KCNAB2: variants seen among roughly 807,000 people sequenced by gnomAD.
The protein encoded by KCNAB2 is voltage-gated potassium channel subunit beta-2.
KCNAB2 carries 29 observed loss-of-function variants against 63.6 expected under a neutral mutation model. That is an observed-to-expected ratio of 0.46 (90% CI 0.34 to 0.62). The LOEUF (loss-of-function observed/expected upper bound fraction) is 0.62. Among genes scored for constraint, KCNAB2 ranks in the 20% least tolerant of loss-of-function variants. The pLI is 0.01. For synonymous variants in KCNAB2, 222 were observed against 224.2 expected (o/e 0.99, Z 0.09); for missense variants, 359 against 563.9 (o/e 0.64, Z 3.68).
At chr1:6,043,636 G>A (rs1660686997), upstream of KCNAB2, among the ~76,000 whole-genome samples, 1 of 152,154 alleles carries the variant, frequency 6.6e-6, no homozygotes, top group Non-Finnish European at 1.5e-5. Context: ...TTAACAGGCT[G>A]GGGGCCACTC....
chr1:6,097,475 G>A (rs35431575), intron 15 of KCNAB2, 118 bp downstream of exon 15: 11 of 1,516,690 alleles, frequency 7.3e-6, no homozygotes, highest in South Asian at 3.6e-5. Flanking sequence ...GGATGCGCCC[G>A]TGAACCATCA....
In KCNAB2 at chr1:6,100,254, A is replaced by G. The variant is rs1557526056; in HGVS notation, c.*1680A>G. Reference sequence around the variant, plus strand: ...GGGGGATCAGCTTCTGCTATTACCGACCCCCCTTCATGCTGCCCCTGGCGC... The same window carrying G: ...GGGGGATCAGCTTCTGCTATTACCGGCCCCCCTTCATGCTGCCCCTGGCGC... On this transcript the variant is annotated 3_prime_UTR_variant, in exon 16 of 16. Coordinates refer to ENST00000378083, the MANE Select transcript of KCNAB2 (RefSeq NM_001199862.2). 2 of 577,560 alleles carry G rather than the reference A, an allele frequency of 3.5e-6. No individual in the cohort carries two copies. The highest frequency in any genetic ancestry group is 3.3e-5 in the East Asian group (1 of 30,602). The allele number at this position is 577,560 out of a possible 1,614,324, so 35.8% of individuals were successfully genotyped here.
rs1663953106 is a variant in KCNAB2, at chr1:6,078,986, A to G, written c.301-3209A>G. 6.6e-6 allele frequency among the ~76,000 whole-genome samples: 1 copy of G among 152,206 alleles called. No homozygotes were observed. The highest frequency in any genetic ancestry group is 2.4e-5 in the African/African-American group (1 of 41,462). ...GCTGGAGGCTCAGAGCAGGGTGGGC[A>G]CCGTGGAGGTGGGGAGACGGGTCAG... On this transcript the variant is annotated intron_variant, in intron 4 of 15. Transcript: ENST00000378083. The surrounding 1 kb of genome is among the most constrained non-coding windows in gnomAD (Gnocchi z 4.2).
At position 6,074,694 on chromosome 1, in the gene KCNAB2, T is replaced by A. The variant is rs2100669221; in HGVS notation, c.300+924T>A. 6.6e-6 allele frequency among the ~76,000 whole-genome samples: 1 copy of A among 152,296 alleles called. No homozygotes were observed. Among genetic ancestry groups the A allele is most frequent in the South Asian group, 2.1e-4 (1 of 4,824 alleles). On this transcript the variant is annotated intron_variant, in intron 4 of 15. Transcript: ENST00000378083. This position sits in a 1 kb window ranked among gnomAD's most constrained non-coding sequence, Gnocchi z 4.9. ...ACACTAGCTGGCCGGGCGCGGTGACTCACACCTGTAACCCCAGCACTTTGG... is the reference window on the plus strand; with the variant it reads ...ACACTAGCTGGCCGGGCGCGGTGACACACACCTGTAACCCCAGCACTTTGG...
rs556991059 is a variant in KCNAB2 at position 6,083,113 on chromosome 1, C to A, written c.380+839C>A. On this transcript the variant is annotated intron_variant, in intron 5 of 15. Transcript: ENST00000378083. ...CTGGGACCCTCAAACCGCCTCCAGC[C>A]CCCATCTGCAGCCCTTTTGGCCCTC... 1.6e-4 allele frequency among the ~76,000 whole-genome samples: 25 copies of A among 152,304 alleles called. 1 individual carries two copies. In the South Asian group the frequency reaches 5.0e-3, roughly 30 times the overall value.
chr1:6,001,741 T>C (rs1011605236), intron 1 of KCNAB2, among the ~76,000 whole-genome samples: 4 of 152,132 alleles, frequency 2.6e-5, no homozygotes, highest in African/African-American at 7.2e-5. Context: ...AATGATCCAG[T>C]GTGGGGCAGT....
At chr1:6,058,098 A>T (rs1661995623) in intron 2 of KCNAB2, among the ~76,000 whole-genome samples, 1 of 152,200 alleles carries the variant, frequency 6.6e-6, no homozygotes, top group Admixed American at 6.5e-5. Context: ...CAGTGAGCCG[A>T]GATCGAACCA....
intron 2 of KCNAB2, among the ~76,000 whole-genome samples, chr1:6,052,852 A>C (rs1661508345): frequency 6.6e-6 from 1 of 152,166 alleles, no homozygotes. Context: ...ACTTATACTA[A>C]AAAGTTCCTC....
At chr1:6,080,388 G>C (rs373828754) in intron 4 of KCNAB2, among the ~76,000 whole-genome samples, 9 of 152,168 alleles carry the variant, frequency 5.9e-5, no homozygotes, top group East Asian at 5.8e-4. Flanking sequence ...GAGGAGGCTG[G>C]GGGGGCAGCA....
intron 1 of KCNAB2, chr1:6,026,219 C>T (rs1659166430): frequency 6.6e-6 from 1 of 152,404 alleles, no homozygotes; most frequent in African/African-American, 2.4e-5. Flanking sequence ...GGGTCACGCG[C>T]TAGGCATGCC....
intron 1 of KCNAB2, among the ~76,000 whole-genome samples, chr1:6,047,009 A>C (rs1415393115): frequency 6.6e-6 from 1 of 152,136 alleles, no homozygotes; most frequent in Non-Finnish European, 1.5e-5. Context: ...ATCTACAGGA[A>C]TAGATTTGCA....
upstream of KCNAB2, among the ~76,000 whole-genome samples, chr1:6,032,305 T>A (rs1056641493): frequency 6.6e-6 from 1 of 151,940 alleles, no homozygotes; most frequent in African/African-American, 2.4e-5. Flanking sequence ...CAGTGGCCGG[T>A]TGCGGTGGCT....
intron 1 of KCNAB2, among the ~76,000 whole-genome samples, chr1:6,023,626 C>T (rs1337213991): frequency 1.3e-5 from 2 of 152,230 alleles, no homozygotes; most frequent in East Asian, 1.9e-4. Context: ...AGTCCTTTGC[C>T]GTTTTTGTAA....
chr1:6,068,336 G>T (rs74925101), intron 2 of KCNAB2, among the ~76,000 whole-genome samples: 69 of 152,348 alleles, frequency 4.5e-4, no homozygotes, highest in African/African-American at 1.6e-3. Context: ...GTGAAGGGGG[G>T]TGTTCATCAG....
rs1477267840 is a variant in KCNAB2, at chr1:6,096,866, G to A, written c.1069+110G>A. On this transcript the variant is annotated intron_variant, in intron 14 of 15. Transcript: ENST00000378083. This position sits in a 1 kb window ranked among gnomAD's most constrained non-coding sequence, Gnocchi z 5.9. The stretch of plus-strand genomic sequence containing the variant: ...GGGCCAGTGTCTCCGGGGAGAGAGG[G>A]AAGGGATCCCTGGACATCATCCCCC... 2 of 1,344,594 alleles carry A rather than the reference G, an allele frequency of 1.5e-6. No homozygotes were observed. Among genetic ancestry groups the A allele is most frequent in the Non-Finnish European group, 2.0e-6 (2 of 1,011,350 alleles). The allele number at this position is 1,344,594 out of a possible 1,614,324, so 83.3% of individuals were successfully genotyped here. A position where few individuals can be genotyped will look rare whatever the true frequency, so the allele number is the denominator to read the frequency against.
intron 1 of KCNAB2, among the ~76,000 whole-genome samples, chr1:6,015,032 T>G (rs1215218776): frequency 2.1e-5 from 3 of 143,072 alleles, no homozygotes; most frequent in African/African-American, 5.2e-5. Context: ...TTTTTTTTTT[T>G]TTTTTTTTTT....
At chr1:6,079,274 C>T (rs1183774993) in intron 4 of KCNAB2, among the ~76,000 whole-genome samples, 1 of 152,150 alleles carries the variant, frequency 6.6e-6, no homozygotes, top group African/African-American at 2.4e-5. Context: ...GTCGGCCGCA[C>T]TTTGGGAGGC....
chr1:6,039,186 C>T lies in KCNAB2; in HGVS notation c.-52-1331C>T, dbSNP rs3789568. Among the ~76,000 whole-genome samples, 9 of 152,320 alleles carry T rather than the reference C, an allele frequency of 5.9e-5. No individual in the cohort carries two copies. The East Asian group carries it at 1.5e-3, about 26-fold the overall frequency. ...AGGGCGCAGCCAGTAGGAGAGGAGC[C>T]GCAAGCGCAAGCATCCGCAGACAGT... is the stretch of plus-strand genomic sequence containing the variant. On this transcript the variant is annotated intron_variant, in intron 1 of 15. Coordinates refer to the KCNAB2 transcript ENST00000164247.
In KCNAB2 at chr1:6,099,786, T is replaced by G; in HGVS notation, c.*1212T>G. 1 of 1,494,230 alleles carries G rather than the reference T, an allele frequency of 6.7e-7. No individual in the cohort carries two copies. Among genetic ancestry groups the G allele is most frequent in the South Asian group, 1.3e-5 (1 of 74,660 alleles). The allele number at this position is 1,494,230 out of a possible 1,614,324, so 92.6% of individuals were successfully genotyped here. A position where few individuals can be genotyped will look rare whatever the true frequency, so the allele number is the denominator to read the frequency against. On this transcript the variant is annotated 3_prime_UTR_variant, in exon 16 of 16. Transcript: ENST00000378083. ...CCCTGGAAAGACGGGCAGGGCTGGT[T>G]AGCCCCTCCCACTGCCTGACACCTG...
Sources: allele counts gnomAD v4.1 joint callset (sites outside exome capture counted in the v4.1 genomes callset), GRCh38; gene constraint gnomAD v4.1.1; non-coding constraint Gnocchi (gnomAD v3.1); transcripts MANE v1.5; gene names NCBI Gene and HGNC (gene_info 2026-07-23, HGNC 2026-07-21).